The following SH3BP2 variants were observed in gnomAD, a reference collection of about 807,000 sequenced individuals.
SH3BP2 encodes SH3 domain binding protein 2.
SH3BP2 carries 38 observed loss-of-function variants against 56.2 expected under a neutral mutation model. The ratio of observed to expected loss-of-function variants is 0.68; its 90% confidence interval spans 0.52 to 0.89. The LOEUF is 0.89. Among genes scored for constraint, SH3BP2 ranks in the 40% least tolerant of loss-of-function variants. The pLI, the probability that SH3BP2 is intolerant of heterozygous loss-of-function variation, is 0.00. For missense variants in SH3BP2, 748 were observed against 762.6 expected, an observed-to-expected ratio of 0.98 and a Z score of 0.23; for synonymous variants, 346 against 316.7, an observed-to-expected ratio of 1.09 and a Z score of -0.98.
intron 1 of SH3BP2, among the ~76,000 whole-genome samples, chr4:2,815,071 A>G (rs1723935418): frequency 6.6e-6 from 1 of 152,148 alleles, no homozygotes; most frequent in Non-Finnish European, 1.5e-5. Flanking sequence ...CCCGAGCACA[A>G]GTGGGGCCAG....
chr4:2,800,971 A>G (rs1488792707), intron 1 of SH3BP2, among the ~76,000 whole-genome samples: 1 of 139,330 alleles, frequency 7.2e-6, no homozygotes, highest in Non-Finnish European at 1.6e-5. Context: ...TGCAGCAGAA[A>G]GGCTGTGACA....
chr4:2,827,974 C>A (rs115083633), intron 7 of SH3BP2, among the ~76,000 whole-genome samples: 1 of 152,148 alleles, frequency 6.6e-6, no homozygotes, highest in Non-Finnish European at 1.5e-5. Flanking sequence ...CGCTGAGGAG[C>A]GCGCAGGCTC....
At chr4:2,814,223 A>T (rs1032040052) in intron 1 of SH3BP2, among the ~76,000 whole-genome samples, 1 of 152,220 alleles carries the variant, frequency 6.6e-6, no homozygotes, top group African/African-American at 2.4e-5. Flanking sequence ...CACAGCGCAC[A>T]TGAGGGCCTG....
chr4:2,824,861 G>A, intron 4 of SH3BP2, 131 bp downstream of exon 4: 2 of 763,608 alleles, frequency 2.6e-6, no homozygotes, highest in South Asian at 3.1e-5. Context: ...GAGAAGGTGT[G>A]GCTGGGACAC....
chr4:2,809,826 C>T, intron 1 of SH3BP2: 1 of 985,472 alleles, frequency 1.0e-6, no homozygotes, highest in Middle Eastern at 5.2e-4. Context: ...TCCCACTCAT[C>T]CTGGTAAGTG....
rs761430887 is a variant in SH3BP2 at position 2,824,702 on chromosome 4, T to A, written c.329T>A (p.Phe110Tyr). Residue 110 changes from phenylalanine to tyrosine, a missense_variant, in exon 4 of 13, where the codon TTC becomes TAC. Transcript: ENST00000503393. ...HISKKHRTWF[F>Y]SASSEEERKS... The stretch of plus-strand genomic sequence containing the variant: ...AGCAAGAAGCACCGCACGTGGTTCT[T>A]CTCGGCCTCCTCCGAGGAGGAGCGC... The A allele has an allele frequency of 6.2e-7, 1 of 1,613,706 alleles. No homozygotes were observed. The highest frequency in any genetic ancestry group is 1.7e-5 in the Admixed American group (1 of 60,028).
At chr4:2,799,959 C>G (rs1037611984) in intron 1 of SH3BP2, among the ~76,000 whole-genome samples, 13 of 152,132 alleles carry the variant, frequency 8.5e-5, no homozygotes, top group Non-Finnish European at 1.5e-4. Flanking sequence ...TTCAAGCTTA[C>G]TCTGGGGTCT....
intron 1 of SH3BP2, among the ~76,000 whole-genome samples, chr4:2,801,450 G>T (rs1416513665): frequency 1.3e-5 from 2 of 152,228 alleles, no homozygotes; most frequent in Non-Finnish European, 2.9e-5. Flanking sequence ...TTGCCTCTCT[G>T]TCAGCACCTC....
chr4:2,803,175 C>T (rs1265238845), intron 1 of SH3BP2, among the ~76,000 whole-genome samples: 1 of 152,210 alleles, frequency 6.6e-6, no homozygotes, highest in Non-Finnish European at 1.5e-5. Flanking sequence ...CCAAGGCCCA[C>T]CCTGTAGGGC....
chr4:2,800,566 A>C (rs1577334955), intron 1 of SH3BP2, among the ~76,000 whole-genome samples: 1 of 150,516 alleles, frequency 6.6e-6, no homozygotes, highest in Admixed American at 6.6e-5. Context: ...CCCCGGGCTG[A>C]TGACGGGCCA....
intron 1 of SH3BP2, among the ~76,000 whole-genome samples, chr4:2,798,221 C>A (rs113834258): frequency 0.051 from 7,815 of 152,260 alleles, 256 homozygotes; most frequent in South Asian, 0.11. Flanking sequence ...GTCCCCTGTC[C>A]TCTCCCTGAA....
intron 5 of SH3BP2, chr4:2,826,995 G>C (rs1479780299): frequency 3.0e-6 from 2 of 666,216 alleles, no homozygotes; most frequent in Admixed American, 2.1e-5. Flanking sequence ...ATGTGTGCAT[G>C]TGTGTGTCTG....
intron 8 of SH3BP2, among the ~76,000 whole-genome samples, chr4:2,830,462 G>A (rs231398): frequency 0.28 from 41,924 of 152,040 alleles, 7,756 homozygotes; most frequent in African/African-American, 0.53. Context: ...CCGGGGTTCA[G>A]GTGATTCTCC....
chr4:2,832,023 G>A, intron 10 of SH3BP2, 45 bp downstream of exon 10: 1 of 1,590,010 alleles, frequency 6.3e-7, no homozygotes, highest in Non-Finnish European at 8.6e-7. Flanking sequence ...GCCATGCCCG[G>A]CTTCCTGCTT....
At position 2,828,566 on chromosome 4, in the gene SH3BP2, C is replaced by T. The variant is rs560045341; in HGVS notation, c.586+892C>T. ...ACAGTGTTCACCATGCCTGTCCCTT[C>T]GCCCACACACTACTGCCTTCCGTCT... On this transcript the variant is annotated intron_variant, in intron 7 of 12. Transcript: ENST00000503393. Among the ~76,000 whole-genome samples the T allele has an allele frequency of 2.8e-4, 43 of 152,336 alleles. No individual in the cohort carries two copies. The South Asian group carries it at 4.1e-3, about 15-fold the overall frequency.
rs770845820 is a variant in SH3BP2 at position 2,830,031 on chromosome 4, A to G, written c.1125A>G (p.Gly375=). 3 of 1,612,478 alleles carry G rather than the reference A, an allele frequency of 1.9e-6. No individual in the cohort carries two copies. In the African/African-American group the frequency reaches 4.0e-5, roughly 22 times the overall value. ...EDPPREAAMP[G]LFVPPVAPRP... is the part of the protein sequence containing the mutation. ...CCCCAAGGGAGGCAGCCATGCCCGG[A>G]CTCTTTGTGCCCCCCGTGGCTCCCC... The change falls in exon 8 of 13, where the codon GGA becomes GGG. Residue 375 remains glycine, a synonymous_variant. Coordinates refer to ENST00000503393, the MANE Select transcript of SH3BP2 (RefSeq NM_001122681.2).
At chr4:2,819,852 A>G (rs1245556839) in intron 1 of SH3BP2, among the ~76,000 whole-genome samples, 1 of 149,960 alleles carries the variant, frequency 6.7e-6, no homozygotes, top group Non-Finnish European at 1.5e-5. Flanking sequence ...CAGCTGGAGC[A>G]TGAGTAAGGG....
rs1416004648 is a variant in SH3BP2, at chr4:2,831,718, A to AGGTGGACAGGT, written c.1350+45_1350+55dup. On this transcript the variant is annotated intron_variant, in intron 9 of 12. Coordinates refer to ENST00000503393, the MANE Select transcript of SH3BP2 (RefSeq NM_001122681.2). The surrounding 1 kb of genome is among the most constrained non-coding windows in gnomAD (Gnocchi z 4.1). Reference sequence around the variant, plus strand: ...GCAAGCCTGGGTCCCAGTGGCCAGTAGGTGGACAGGTGGTGGGAAAGCCAT... The same window carrying AGGTGGACAGGT: ...GCAAGCCTGGGTCCCAGTGGCCAGTAGGTGGACAGGTGGTGGACAGGTGGTGGGAAAGCCAT... 2 of 1,506,486 alleles carry AGGTGGACAGGT rather than the reference A, an allele frequency of 1.3e-6. No homozygotes were observed. The highest frequency in any genetic ancestry group is 1.8e-6 in the Non-Finnish European group (2 of 1,100,072). The allele number at this position is 1,506,486 out of a possible 1,614,324, so 93.3% of individuals were successfully genotyped here.
In SH3BP2 at chr4:2,839,706, T is replaced by C. The variant is rs1725355117; in HGVS notation, c.*5872T>C. The C allele has an allele frequency of 6.6e-6, 1 of 151,758 alleles. No homozygotes were observed. The highest frequency in any genetic ancestry group is 1.5e-5 in the Non-Finnish European group (1 of 67,992). The allele number at this position is 151,758 out of a possible 1,614,324, so 9.4% of individuals were successfully genotyped here. ...CCTCAGCCTCCTGAGTAGCCGGAAC[T>C]ACAGTCACGCACTTCCATGTCCAGA... On this transcript the variant is annotated 3_prime_UTR_variant, in exon 13 of 13. Transcript: ENST00000503393.
Sources: allele counts gnomAD v4.1 joint callset (sites outside exome capture counted in the v4.1 genomes callset), GRCh38; gene constraint gnomAD v4.1.1; non-coding constraint Gnocchi (gnomAD v3.1); transcripts MANE v1.5; gene names NCBI Gene and HGNC (gene_info 2026-07-23, HGNC 2026-07-21).